SPRED1: variants seen among roughly 807,000 people sequenced by gnomAD.
The protein encoded by SPRED1 is sprouty related EVH1 domain containing 1, also known as sprouty-related, EVH1 domain-containing protein 1.
Under a neutral mutation model 52.3 loss-of-function variants are expected in SPRED1, and 18 were observed. The ratio of observed to expected loss-of-function variants is 0.34; its 90% CI spans 0.24 to 0.51. The LOEUF (loss-of-function observed/expected upper bound fraction) is 0.51. Among genes scored for constraint, SPRED1 ranks in the 20% least tolerant of loss-of-function variants. SPRED1 has a pLI of 0.97. For synonymous variants in SPRED1, 155 were observed against 179.7 expected, an observed-to-expected ratio of 0.86 and a Z score of 1.10; for missense variants, 485 against 551.0, an observed-to-expected ratio of 0.88 and a Z score of 1.20.
chr15:38,351,672 C>T lies in SPRED1; in HGVS notation c.*8C>T. The T allele has an allele frequency of 1.4e-5, 23 of 1,610,454 alleles. No homozygotes were observed. Among genetic ancestry groups the T allele is most frequent in the Non-Finnish European group, 1.9e-5 (23 of 1,179,926 alleles). The stretch of plus-strand genomic sequence containing the variant: ...CATAAAGCTGCTGGATGAAATGGTC[C>T]AGTGCCAAAATGAGCTTAAAATCTT... On this transcript the variant is annotated 3_prime_UTR_variant, in exon 7 of 7. Transcript: ENST00000299084.
In SPRED1 at chr15:38,294,903, A is replaced by G. The variant is rs77202478; in HGVS notation, c.33-4470A>G. Among the ~76,000 whole-genome samples, 1,274 of 152,314 alleles carry G rather than the reference A, an allele frequency of 8.4e-3. 18 individuals carry two copies. The highest frequency in any genetic ancestry group is 0.029 in the African/African-American group (1,203 of 41,568). On this transcript the variant is annotated intron_variant, in intron 1 of 6. Transcript: ENST00000299084. ...GCAAAAAAACTCACATTTGATTACA[A>G]TTTTGGGGATTCATAATCCTTTCCA...
At chr15:38,288,709 G>C (rs1022704728) in intron 1 of SPRED1, among the ~76,000 whole-genome samples, 2 of 152,136 alleles carry the variant, frequency 1.3e-5, no homozygotes, top group African/African-American at 4.8e-5. Context: ...GAGAGGTATA[G>C]CCTTCTAAGT....
At chr15:38,326,804 T>C (rs2037523) in intron 4 of SPRED1, among the ~76,000 whole-genome samples, 145,822 of 152,214 alleles carry the variant, frequency 0.96, 70,139 homozygotes, top group East Asian at 1. Context: ...CAGATGCAAA[T>C]TTGGCCTACC....
intron 1 of SPRED1, among the ~76,000 whole-genome samples, chr15:38,267,768 T>G (rs141433007): frequency 6.6e-6 from 1 of 152,352 alleles, no homozygotes; most frequent in Non-Finnish European, 1.5e-5. Context: ...GATTACATAC[T>G]TGGTAAAGTC....
intron 1 of SPRED1, among the ~76,000 whole-genome samples, chr15:38,254,298 G>A (rs1016252723): frequency 1.3e-5 from 2 of 152,074 alleles, no homozygotes; most frequent in Admixed American, 1.3e-4. Flanking sequence ...AGTCTGTACC[G>A]AGTCCTGTTT....
chr15:38,291,807 C>T (rs564789920), intron 1 of SPRED1, among the ~76,000 whole-genome samples: 47 of 152,300 alleles, frequency 3.1e-4, no homozygotes, highest in African/African-American at 1.1e-3. Flanking sequence ...CCAGTTTTTC[C>T]TCCTGGGCCT....
intron 2 of SPRED1, among the ~76,000 whole-genome samples, chr15:38,317,279 A>G (rs901267212): frequency 6.6e-5 from 10 of 151,948 alleles, no homozygotes; most frequent in Non-Finnish European, 1.3e-4. Context: ...TAGTCTTAAC[A>G]AGACTTAGAA....
chr15:38,334,875 G>A (rs1266610309), intron 4 of SPRED1, among the ~76,000 whole-genome samples: 1 of 113,106 alleles, frequency 8.8e-6, no homozygotes, highest in African/African-American at 3.0e-5. Context: ...TAGAAATGCT[G>A]GGTCAAAAAG....
intron 4 of SPRED1, among the ~76,000 whole-genome samples, chr15:38,330,980 A>C (rs1223605162): frequency 6.6e-6 from 1 of 152,122 alleles, no homozygotes; most frequent in Non-Finnish European, 1.5e-5. Flanking sequence ...TTTTTTCTGC[A>C]GCTGTCATCT....
Position 38,339,717 on chromosome 15 carries a change from T to C in SPRED1, c.424-20T>C. 1 of 1,612,706 alleles carries C rather than the reference T, an allele frequency of 6.2e-7. No individual in the cohort carries two copies. The highest frequency in any genetic ancestry group is 8.5e-7 in the Non-Finnish European group (1 of 1,178,908). ...GGTTTTTATTCTGGCAACTAATGCA[T>C]TGAGGGTTGTTCCCAATAGGCAAAT... On this transcript the variant is annotated intron_variant, in intron 4 of 6. Transcript: ENST00000299084.
At chr15:38,322,451 T>C (rs889656696) in intron 3 of SPRED1, 42 bp downstream of exon 3, 3 of 1,595,718 alleles carry the variant, frequency 1.9e-6, no homozygotes, top group Admixed American at 1.7e-5. Flanking sequence ...TTATCGGTTA[T>C]ATATAGTAGA....
chr15:38,256,151 G>A (rs1447279011), intron 1 of SPRED1, among the ~76,000 whole-genome samples: 1 of 152,028 alleles, frequency 6.6e-6, no homozygotes, highest in Non-Finnish European at 1.5e-5. Context: ...TTAGAATAAA[G>A]CATTTCTTAG....
intron 5 of SPRED1, among the ~76,000 whole-genome samples, chr15:38,344,835 G>C (rs1270699369): frequency 2.6e-5 from 4 of 152,134 alleles, no homozygotes; most frequent in African/African-American, 4.8e-5. Context: ...AGATTGATGT[G>C]ACTTAGAGAA....
chr15:38,259,636 G>C (rs1894166157), intron 1 of SPRED1, among the ~76,000 whole-genome samples: 1 of 152,196 alleles, frequency 6.6e-6, no homozygotes, highest in African/African-American at 2.4e-5. Context: ...AACTTGATTA[G>C]TTCTACAAGG....
At chr15:38,325,520 C>G (rs961308133) in intron 4 of SPRED1, among the ~76,000 whole-genome samples, 1 of 151,796 alleles carries the variant, frequency 6.6e-6, no homozygotes, top group African/African-American at 2.4e-5. Context: ...GGCAGGCACG[C>G]TGAAAATTGG....
intron 5 of SPRED1, among the ~76,000 whole-genome samples, chr15:38,343,059 G>T (rs188587187): frequency 6.3e-4 from 96 of 152,184 alleles, no homozygotes; most frequent in Non-Finnish European, 1.2e-3. Context: ...ACCCAGAAAA[G>T]GATGTCTCAG....
At chr15:38,283,569 T>C in intron 1 of SPRED1, 3 of 887,052 alleles carry the variant, frequency 3.4e-6, no homozygotes, top group Non-Finnish European at 4.1e-6. Flanking sequence ...CATAGAAAAT[T>C]GTAGAAAATG....
chr15:38,336,422 G>GTA (rs1274175542), intron 4 of SPRED1, among the ~76,000 whole-genome samples: 5 of 137,970 alleles, frequency 3.6e-5, no homozygotes, highest in Admixed American at 2.2e-4. Context: ...GTATGTGTGT[G>GTA]TATATATATA....
intron 1 of SPRED1, among the ~76,000 whole-genome samples, chr15:38,258,734 A>C: frequency 6.6e-6 from 1 of 152,152 alleles, no homozygotes; most frequent in East Asian, 1.9e-4. Context: ...TTAAAAACTT[A>C]TTAGGTTGTT....
Sources: allele counts gnomAD v4.1 joint callset (sites outside exome capture counted in the v4.1 genomes callset), GRCh38; gene constraint gnomAD v4.1.1; transcripts MANE v1.5; gene names NCBI Gene and HGNC (gene_info 2026-07-23, HGNC 2026-07-21).